TMEM74: variants seen among roughly 807,000 people sequenced by gnomAD.
TMEM74 encodes the protein transmembrane protein 74.
Under a neutral mutation model 18.1 loss-of-function variants are expected in TMEM74, and 13 were observed. That is an observed-to-expected ratio of 0.72 (90% confidence interval 0.47 to 1.14). The LOEUF is 1.14. Ranked by LOEUF, TMEM74 falls within the 50% of genes most tolerant of loss-of-function variation. The probability of loss-of-function intolerance (pLI) is 0.00; values close to 1 mark genes in which losing one functional copy is unlikely to be tolerated. For missense variants in TMEM74, 372 were observed against 375.9 expected, an observed-to-expected ratio of 0.99 and a Z score of 0.09; for synonymous variants, 159 against 146.6, an observed-to-expected ratio of 1.08 and a Z score of -0.61.
At chr8:108,635,000 A>G (rs1471483341) in intron 2 of TMEM74, among the ~76,000 whole-genome samples, 5 of 151,932 alleles carry the variant, frequency 3.3e-5, no homozygotes, top group East Asian at 3.9e-4. Context: ...CTGGCCTTGT[A>G]TATGCATTCA....
chr8:108,725,343 C>G (rs1435359717), intron 1 of TMEM74, among the ~76,000 whole-genome samples: 1 of 152,158 alleles, frequency 6.6e-6, no homozygotes, highest in Non-Finnish European at 1.5e-5. Context: ...ATAAGAGATG[C>G]CTTGTTCATC....
At chr8:108,785,167 C>T in intron 1 of TMEM74, 30 bp from the exon 2 acceptor site, 1 of 1,488,462 alleles carries the variant, frequency 6.7e-7, no homozygotes. Flanking sequence ...TAGATAAGAA[C>T]CCAACAGAAG....
At chr8:108,744,313 T>C (rs1050031914) in intron 1 of TMEM74, among the ~76,000 whole-genome samples, 1 of 152,056 alleles carries the variant, frequency 6.6e-6, no homozygotes, top group African/African-American at 2.4e-5. Context: ...ATAATAATGG[T>C]AACAACCAAA....
chr8:108,614,717 G>T (rs1208248436), intron 2 of TMEM74, among the ~76,000 whole-genome samples: 1 of 152,164 alleles, frequency 6.6e-6, no homozygotes, highest in Non-Finnish European at 1.5e-5. Context: ...TTTAGCAGGA[G>T]CACTGCATTG....
chr8:108,684,218 C>G (rs959355934), intron 1 of TMEM74, among the ~76,000 whole-genome samples: 1 of 152,060 alleles, frequency 6.6e-6, no homozygotes, highest in African/African-American at 2.4e-5. Context: ...ATATTCCCAC[C>G]AACAGTGTAG....
intron 1 of TMEM74, among the ~76,000 whole-genome samples, chr8:108,757,402 T>C (rs553470012): frequency 6.6e-6 from 1 of 152,226 alleles, no homozygotes; most frequent in South Asian, 2.1e-4. Context: ...TCCAATTGTA[T>C]ACATCAATAT....
intron 2 of TMEM74, among the ~76,000 whole-genome samples, chr8:108,639,752 A>T (rs757771125): frequency 8.6e-5 from 13 of 152,042 alleles, no homozygotes; most frequent in Non-Finnish European, 1.5e-4. Context: ...ACTTTTGATG[A>T]CTCATTTTGG....
chr8:108,774,579 C>T (rs1447528926), downstream of TMEM74, among the ~76,000 whole-genome samples: 1 of 152,164 alleles, frequency 6.6e-6, no homozygotes, highest in Non-Finnish European at 1.5e-5. Flanking sequence ...CAGGAGGTAA[C>T]TCACGTCACT....
chr8:108,723,374 A>C (rs1186374657), intron 1 of TMEM74, among the ~76,000 whole-genome samples: 2 of 152,208 alleles, frequency 1.3e-5, no homozygotes, highest in Non-Finnish European at 2.9e-5. Context: ...ATAAATTCAC[A>C]TACCAGAGTA....
chr8:108,651,950 A>G (rs1812778932), intron 2 of TMEM74, among the ~76,000 whole-genome samples: 1 of 152,106 alleles, frequency 6.6e-6, no homozygotes, highest in African/African-American at 2.4e-5. Context: ...CTAAAAAAAA[A>G]AAAAATCCTA....
intron 2 of TMEM74, among the ~76,000 whole-genome samples, chr8:108,612,178 A>G (rs77993702): frequency 0.013 from 1,948 of 152,242 alleles, 18 homozygotes; most frequent in South Asian, 0.034. Context: ...GGACACAGCC[A>G]AACTATATCA....
chr8:108,702,723 G>T (rs185232941), intron 1 of TMEM74, among the ~76,000 whole-genome samples: 6 of 151,520 alleles, frequency 4.0e-5, no homozygotes, highest in African/African-American at 1.2e-4. Context: ...TTTAACATTA[G>T]GTATATCTCT....
chr8:108,652,319 G>A (rs1488538868), intron 2 of TMEM74: 1 of 168,378 alleles, frequency 5.9e-6, no homozygotes, highest in African/African-American at 2.4e-5. Flanking sequence ...AAATACTGAA[G>A]ATACATTTTC....
At chr8:108,744,525 C>T (rs1341662477) in intron 1 of TMEM74, among the ~76,000 whole-genome samples, 4 of 152,250 alleles carry the variant, frequency 2.6e-5, no homozygotes, top group East Asian at 1.9e-4. Context: ...TGAATAGTTA[C>T]ATTCCTATGA....
intron 1 of TMEM74, among the ~76,000 whole-genome samples, chr8:108,685,910 G>A (rs1390649163): frequency 6.6e-6 from 1 of 151,966 alleles, no homozygotes; most frequent in Non-Finnish European, 1.5e-5. Flanking sequence ...CGAATAAGCA[G>A]AAGAATGTGT....
intron 2 of TMEM74, among the ~76,000 whole-genome samples, chr8:108,621,121 C>T (rs1812436122): frequency 6.6e-6 from 1 of 152,144 alleles, no homozygotes; most frequent in African/African-American, 2.4e-5. Flanking sequence ...GACCCCAAGA[C>T]TAAGCCTTGG....
At chr8:108,703,704 T>G (rs533307500) in intron 1 of TMEM74, among the ~76,000 whole-genome samples, 2 of 152,198 alleles carry the variant, frequency 1.3e-5, no homozygotes, top group African/African-American at 2.4e-5. Flanking sequence ...GAGCACCTAC[T>G]ACATGCCAGA....
chr8:108,638,254 C>T (rs1307988904), intron 2 of TMEM74, among the ~76,000 whole-genome samples: 4 of 152,194 alleles, frequency 2.6e-5, no homozygotes, highest in East Asian at 1.9e-4. Flanking sequence ...TGTAACCCTG[C>T]GAAGAACTCT....
intron 2 of TMEM74, among the ~76,000 whole-genome samples, chr8:108,651,954 A>T (rs894386616): frequency 9.9e-5 from 15 of 152,102 alleles, no homozygotes; most frequent in Admixed American, 5.9e-4. Context: ...AAAAAAAAAA[A>T]ATCCTAGTGC....
Sources: gnomAD v4.1 joint callset for allele counts (sites outside exome capture counted in the v4.1 genomes callset) on GRCh38, gnomAD v4.1.1 for gene constraint, MANE v1.5 for transcripts, NCBI Gene and HGNC (gene_info 2026-07-23, HGNC 2026-07-21) for gene names.